KNL1: variants seen among roughly 807,000 people sequenced by gnomAD.
KNL1 encodes kinetochore scaffold 1.
A neutral mutation model predicts 201.3 loss-of-function variants in KNL1; 66 were observed. The ratio of observed to expected loss-of-function variants is 0.33; its 90% confidence interval spans 0.27 to 0.40. The LOEUF (loss-of-function observed/expected upper bound fraction) is 0.40. Among genes scored for constraint, KNL1 ranks in the 10% least tolerant of loss-of-function variants. KNL1 has a pLI of 1.00. For missense variants in KNL1, 2,815 were observed against 2,690.5 expected (o/e 1.05, Z -1.02); for synonymous variants, 895 against 899.2 (o/e 1.00, Z 0.08).
At chr15:40,618,914 C>T (rs1892428129) in intron 8 of KNL1, 45 bp from the exon 9 acceptor site, 2 of 1,246,282 alleles carry the variant, frequency 1.6e-6, no homozygotes, top group Non-Finnish European at 1.2e-6. Flanking sequence ...AAATCAGGCT[C>T]AGTGTTATAT....
intron 4 of KNL1, 63 bp from the exon 5 acceptor site, chr15:40,608,784 A>G (rs1452746724): frequency 1.7e-6 from 2 of 1,175,118 alleles, no homozygotes; most frequent in Admixed American, 3.7e-5. Flanking sequence ...TGTCTATAGT[A>G]CTCTGGAGAT....
intron 6 of KNL1, among the ~76,000 whole-genome samples, 165 bp from the exon 7 acceptor site, chr15:40,611,313 T>C (rs1892152441): frequency 6.6e-6 from 1 of 152,126 alleles, no homozygotes; most frequent in Non-Finnish European, 1.5e-5. Flanking sequence ...TTCACCGTGT[T>C]GGTCAGGTTG....
At chr15:40,639,883 G>A (rs935500376) in intron 13 of KNL1, among the ~76,000 whole-genome samples, 1 of 151,512 alleles carries the variant, frequency 6.6e-6, no homozygotes, top group Non-Finnish European at 1.5e-5. Flanking sequence ...GAAACTATCC[G>A]GGGCAACATA....
chr15:40,617,913 G>A (rs1595921880), intron 8 of KNL1, among the ~76,000 whole-genome samples: 1 of 124,564 alleles, frequency 8.0e-6, no homozygotes, highest in Non-Finnish European at 1.6e-5. Context: ...CATGTAATAG[G>A]TTCTGAACCA....
rs1331438278 is a variant in KNL1 at position 40,657,893 on chromosome 15, G to T, written c.6713+420G>T. ...TTTGGAATTCAACATATGAATTTTG[G>T]GAAATACAGGTCAACCCAACAGTAA... On this transcript the variant is annotated intron_variant, in intron 24 of 25. Coordinates refer to ENST00000399668, the MANE Select transcript of KNL1 (RefSeq NM_144508.5). Among the ~76,000 whole-genome samples, 3 of 152,008 alleles carry T rather than the reference G, an allele frequency of 2.0e-5. No individual in the cohort carries two copies. The East Asian group carries it at 5.8e-4, about 29-fold the overall frequency.
Position 40,624,460 on chromosome 15 carries a change from T to G in KNL1, c.4196T>G (p.Leu1399Trp). The G allele has an allele frequency of 6.2e-7, 1 of 1,613,854 alleles. No homozygotes were observed. Among genetic ancestry groups the G allele is most frequent in the South Asian group, 1.1e-5 (1 of 91,082 alleles). The change falls in exon 10 of 26, where the codon TTG (leucine) becomes TGG (tryptophan). Residue 1399 changes from leucine (L) to tryptophan (W), a missense_variant. Leu to Trp is a moderately conservative substitution (Grantham distance 61). Transcript: ENST00000399668. ...QDLIKDPRNL[L>W]ANQTLVYSQD... ...CTGATTAAGGATCCACGAAATCTAT[T>G]GGCTAATCAAACTTTAGTATATAGT...
intron 7 of KNL1, among the ~76,000 whole-genome samples, 171 bp from the exon 8 acceptor site, chr15:40,615,170 T>C (rs1326666277): frequency 6.6e-6 from 1 of 152,176 alleles, no homozygotes; most frequent in Non-Finnish European, 1.5e-5. Context: ...TTTAAAAAGA[T>C]GTCTTTATAA....
At chr15:40,598,628 A>G (rs1891689863) in intron 1 of KNL1, among the ~76,000 whole-genome samples, 2 of 151,922 alleles carry the variant, frequency 1.3e-5, no homozygotes, top group African/African-American at 4.8e-5. Context: ...GATATTGGGG[A>G]TATATATTGG....
At chr15:40,634,309 T>C (rs991972640) in intron 13 of KNL1, among the ~76,000 whole-genome samples, 2 of 152,060 alleles carry the variant, frequency 1.3e-5, no homozygotes, top group African/African-American at 4.8e-5. Context: ...GTTTCACCCT[T>C]TTGGCCAGGC....
At position 40,655,288 on chromosome 15, in the gene KNL1, C is replaced by T. The variant is rs117995859; in HGVS notation, c.6484+311C>T. 3.1e-3 allele frequency among the ~76,000 whole-genome samples: 464 copies of T among 147,698 alleles called. 23 individuals are homozygous for T. The East Asian group carries it at 0.088, about 28-fold the overall frequency. ...AGTCCAGCCTGGCAACAGAGTGAGA[C>T]CTTGTCTCAAAAATAAAAAATAAGG... On this transcript the variant is annotated intron_variant, in intron 22 of 25. Transcript: ENST00000399668.
chr15:40,613,699 T>C (rs192312336), intron 7 of KNL1, among the ~76,000 whole-genome samples: 1 of 152,218 alleles, frequency 6.6e-6, no homozygotes, highest in African/African-American at 2.4e-5. Flanking sequence ...CTCAGCCTCC[T>C]GGGTTCAAGC....
Position 40,624,657 on chromosome 15 carries a change from G to T in KNL1, c.4393G>T (p.Val1465Leu), listed in dbSNP as rs201195268. The change falls in exon 10 of 26, where the codon GTA becomes TTA. Residue 1465 changes from valine (V) to leucine (L), a missense_variant. Around this residue, in one of 3 missense-constraint regions of KNL1, gnomAD observed 2,464 missense variants for 2,291.7 expected, o/e 1.08. Coordinates refer to ENST00000399668, the MANE Select transcript of KNL1 (RefSeq NM_144508.5). The stretch of plus-strand genomic sequence containing the variant: ...ACAGAGTAGTATCAATAAAGAAGAA[G>T]TAATACTGTCTAAAGCTGGAAATAA... ...KGQSSINKEEVILSKAGNKSL... is the reference protein window; with the variant it reads ...KGQSSINKEELILSKAGNKSL... The T allele has an allele frequency of 4.0e-5, 65 of 1,613,570 alleles. No homozygotes were observed. Among genetic ancestry groups the T allele is most frequent in the Middle Eastern group, 3.3e-4 (2 of 6,082 alleles).
In KNL1 at chr15:40,624,063, T is replaced by C; in HGVS notation, c.3799T>C (p.Leu1267=). The C allele has an allele frequency of 6.2e-7, 1 of 1,614,016 alleles. No individual in the cohort carries two copies. The highest frequency in any genetic ancestry group is 8.5e-7 in the Non-Finnish European group (1 of 1,179,950). The change falls in exon 10 of 26, where the codon TTG becomes CTG. Residue 1267 remains leucine, a synonymous_variant. Transcript: ENST00000399668. ...GAAAGTTGTAGACCAGGCCTGTACA[T>C]TGGAAAAAGCGCAAGTTGAAAGCTG... ...IGKVVDQACT[L]EKAQVESCQL... is the part of the protein sequence containing the mutation.
chr15:40,605,491 G>T (rs565846980), intron 3 of KNL1, among the ~76,000 whole-genome samples: 1 of 152,282 alleles, frequency 6.6e-6, no homozygotes, highest in South Asian at 2.1e-4. Flanking sequence ...TCGCTCTGTC[G>T]CCCAGGCTGG....
Position 40,606,532 on chromosome 15 carries a change from A to G in KNL1, c.135+80A>G. The stretch of plus-strand genomic sequence containing the variant: ...GTCAAGAAGTTTATTAGCTATTTGA[A>G]GAGGAAATGTGTAAGCATCCCATGA... On this transcript the variant is annotated intron_variant, in intron 4 of 25. Coordinates refer to ENST00000399668, the MANE Select transcript of KNL1 (RefSeq NM_144508.5). 14 of 798,468 alleles carry G rather than the reference A, an allele frequency of 1.8e-5. 1 individual carries two copies. In the South Asian group the frequency reaches 2.2e-4, roughly 12 times the overall value. 49.5% of individuals were successfully genotyped at this position (798,468 alleles called of 1,614,324 possible). A position where few individuals can be genotyped will look rare whatever the true frequency, so the allele number is the denominator to read the frequency against.
rs771967060 is a variant in KNL1, at chr15:40,625,291, C to T, written c.5027C>T (p.Ala1676Val). 1 of 1,614,090 alleles carries T rather than the reference C, an allele frequency of 6.2e-7. No individual in the cohort carries two copies. Among genetic ancestry groups the T allele is most frequent in the Non-Finnish European group, 8.5e-7 (1 of 1,179,986 alleles). The change falls in exon 10 of 26, where the codon GCA becomes GTA. Residue 1676 changes from alanine to valine, a missense_variant. By Grantham distance (64) the Ala-to-Val change is moderately conservative. This residue lies in a region of KNL1 where 2,464 missense variants were observed against 2,291.7 expected (regional missense o/e 1.08). Transcript: ENST00000399668. ...ATTGATGACCTGGAACAGATTCCAG[C>T]AGACACAACTGATATAAATCACTTA... ...TGIDDLEQIP[A>V]DTTDINHLET...
rs776081369 is a variant in KNL1, at chr15:40,624,397, A to G, written c.4133A>G (p.Gln1378Arg). 2 of 1,614,064 alleles carry G rather than the reference A, an allele frequency of 1.2e-6. No homozygotes were observed. The highest frequency in any genetic ancestry group is 3.3e-5 in the Admixed American group (2 of 60,024). Reference sequence around the variant, plus strand: ...GTTATTCAAACCAGTACCAAAGGACAGTTAGACTGTGTTATAACACTGCAC... The same window carrying G: ...GTTATTCAAACCAGTACCAAAGGACGGTTAGACTGTGTTATAACACTGCAC... The part of the protein sequence containing the change: ...EEVIQTSTKG[Q>R]LDCVITLHKD... The change falls in exon 10 of 26, where the codon CAG becomes CGG. Residue 1378 changes from glutamine to arginine, a missense_variant. This residue lies in a region of KNL1 where 2,464 missense variants were observed against 2,291.7 expected (regional missense o/e 1.08). Transcript: ENST00000399668.
chr15:40,647,095 T>C (rs1335199236), intron 17 of KNL1, 21 bp downstream of exon 17: 1 of 1,216,954 alleles, frequency 8.2e-7, no homozygotes. Flanking sequence ...TTAAATACTT[T>C]TCCAAAAGAA....
chr15:40,637,477 A>G (rs1034573659), intron 13 of KNL1, among the ~76,000 whole-genome samples: 36 of 152,026 alleles, frequency 2.4e-4, no homozygotes, highest in African/African-American at 8.5e-4. Flanking sequence ...TAAAGAAGTG[A>G]TATACTCCAG....
Sources: allele counts gnomAD v4.1 joint callset (sites outside exome capture counted in the v4.1 genomes callset), GRCh38; gene constraint gnomAD v4.1.1; regional missense constraint gnomAD v4.1.1; transcripts MANE v1.5; gene names NCBI Gene and HGNC (gene_info 2026-07-23, HGNC 2026-07-21).